Variants in ADAMTS18 observed in about 807,000 individuals in gnomAD.
ADAMTS18 encodes the protein ADAM metallopeptidase with thrombospondin type 1 motif 18.
ADAMTS18 carries 157 observed loss-of-function variants against 165.9 expected under a neutral mutation model. The ratio of observed to expected loss-of-function variants is 0.95; its 90% CI spans 0.83 to 1.08. ADAMTS18 has a LOEUF of 1.08. Among genes scored for constraint, ADAMTS18 ranks in the 50% least tolerant of loss-of-function variants. The pLI is 0.00. For synonymous variants in ADAMTS18, 782 were observed against 578.2 expected, an observed-to-expected ratio of 1.35 and a Z score of -5.06; for missense variants, 2,040 against 1,534.0, an observed-to-expected ratio of 1.33 and a Z score of -5.51.
rs138729871 is a variant in ADAMTS18, at chr16:77,406,319, T to C, written c.495+24976A>G. On this transcript the variant is annotated intron_variant, in intron 3 of 22. Coordinates refer to ENST00000282849, the MANE Select transcript of ADAMTS18 (RefSeq NM_199355.4). ...GTATAAATTATTAGAGAATTACAAA[T>C]AAAAGGTGTTATCATCAATCTGATA... is the stretch of plus-strand genomic sequence containing the variant. Among the ~76,000 whole-genome samples, 1,104 of 152,136 alleles carry C rather than the reference T, an allele frequency of 7.3e-3. 16 individuals are homozygous for C. Among genetic ancestry groups the C allele is most frequent in the African/African-American group, 0.025 (1,058 of 41,532 alleles).
At chr16:77,315,945 C>T (rs2055879399) in intron 16 of ADAMTS18, among the ~76,000 whole-genome samples, 1 of 152,162 alleles carries the variant, frequency 6.6e-6, no homozygotes, top group Non-Finnish European at 1.5e-5. Flanking sequence ...TTTTCCCCAT[C>T]CCTAAACCTG....
chr16:77,297,434 T>A lies in ADAMTS18; in HGVS notation c.2675-19A>T. 6.2e-7 allele frequency: 1 copy of A among 1,606,628 alleles called. No individual in the cohort carries two copies. The highest frequency in any genetic ancestry group is 1.1e-5 in the South Asian group (1 of 90,884). ...ATGTAACCTGGTAAGACATCAGAAG[T>A]GACAAAGTGAAAATTACAGATTATT... On this transcript the variant is annotated intron_variant, in intron 17 of 22. Coordinates refer to ENST00000282849, the MANE Select transcript of ADAMTS18 (RefSeq NM_199355.4).
chr16:77,333,247 A>C (rs1228601135), intron 12 of ADAMTS18, among the ~76,000 whole-genome samples: 2 of 152,106 alleles, frequency 1.3e-5, no homozygotes, highest in Non-Finnish European at 2.9e-5. Flanking sequence ...GATTGTTACT[A>C]ACCGGAGGGA....
chr16:77,375,617 G>A (rs1337843736), intron 3 of ADAMTS18, among the ~76,000 whole-genome samples: 1 of 152,204 alleles, frequency 6.6e-6, no homozygotes, highest in Non-Finnish European at 1.5e-5. Flanking sequence ...AGAACAGGAA[G>A]AAAGCAGAGA....
intron 3 of ADAMTS18, among the ~76,000 whole-genome samples, chr16:77,413,807 G>GGAA (rs559226746): frequency 6.4e-5 from 8 of 124,092 alleles, no homozygotes; most frequent in South Asian, 2.7e-4. Context: ...GTTTCCATCT[G>GGAA]AAAAAAAAAA....
intron 3 of ADAMTS18, among the ~76,000 whole-genome samples, chr16:77,388,879 G>C (rs542319660): frequency 5.6e-4 from 86 of 152,266 alleles, no homozygotes; most frequent in African/African-American, 1.9e-3. Context: ...AGTGTTTGTC[G>C]ATTTAATGAC....
At chr16:77,324,064 G>A (rs1459274414) in intron 13 of ADAMTS18, among the ~76,000 whole-genome samples, 4 of 152,144 alleles carry the variant, frequency 2.6e-5, no homozygotes, top group Non-Finnish European at 5.9e-5. Context: ...ATTTCTTTAA[G>A]GGCGATAACA....
At chr16:77,357,282 C>T (rs1010586407) in intron 8 of ADAMTS18, among the ~76,000 whole-genome samples, 7 of 152,072 alleles carry the variant, frequency 4.6e-5, no homozygotes, top group African/African-American at 1.7e-4. Flanking sequence ...AGCATTCCTT[C>T]CACTTTGTCA....
chr16:77,301,327 G>A (rs1232018558), intron 16 of ADAMTS18, among the ~76,000 whole-genome samples: 1 of 150,880 alleles, frequency 6.6e-6, no homozygotes, highest in African/African-American at 2.4e-5. Flanking sequence ...TCACACAAGT[G>A]ACTAGGGACT....
intron 16 of ADAMTS18, among the ~76,000 whole-genome samples, chr16:77,305,511 C>T (rs768196040): frequency 2.4e-4 from 37 of 152,186 alleles, no homozygotes; most frequent in Non-Finnish European, 4.4e-4. Context: ...CCAAAGGGCG[C>T]TTCTAAGCAC....
intron 12 of ADAMTS18, among the ~76,000 whole-genome samples, chr16:77,335,261 T>C (rs1342983192): frequency 6.8e-6 from 1 of 148,138 alleles, no homozygotes; most frequent in Non-Finnish European, 1.5e-5. Flanking sequence ...TCTTCTCCCA[T>C]GTGAGAGCTA....
intron 3 of ADAMTS18, among the ~76,000 whole-genome samples, chr16:77,383,329 C>G (rs2057059232): frequency 6.6e-6 from 1 of 152,126 alleles, no homozygotes; most frequent in Admixed American, 6.6e-5. Flanking sequence ...CAGCCCCGTC[C>G]AATCCAAATG....
intron 10 of ADAMTS18, among the ~76,000 whole-genome samples, chr16:77,347,377 C>T (rs945955527): frequency 6.6e-5 from 10 of 152,236 alleles, no homozygotes; most frequent in Non-Finnish European, 8.8e-5. Flanking sequence ...TGAAACAACT[C>T]GGTCAAACCA....
intron 19 of ADAMTS18, among the ~76,000 whole-genome samples, chr16:77,294,422 G>A (rs947828512): frequency 2.0e-5 from 3 of 152,254 alleles, no homozygotes; most frequent in Admixed American, 2.0e-4. Context: ...GGAATTCTGA[G>A]CTGTGAACGA....
intron 3 of ADAMTS18, among the ~76,000 whole-genome samples, chr16:77,396,964 G>C (rs1429214535): frequency 1.3e-5 from 2 of 151,874 alleles, no homozygotes; most frequent in East Asian, 3.9e-4. Flanking sequence ...CCGCCACCAC[G>C]CCTGGCTAAT....
intron 21 of ADAMTS18, 45 bp from the exon 22 acceptor site, chr16:77,289,456 G>C: frequency 6.2e-7 from 1 of 1,604,088 alleles, no homozygotes. Context: ...CTCTACTGAG[G>C]TCAGTGACAT....
chr16:77,364,792 C>A (rs55817541), intron 4 of ADAMTS18, among the ~76,000 whole-genome samples: 38,903 of 147,586 alleles, frequency 0.26, 5,681 homozygotes, highest in East Asian at 0.57. Context: ...CAAAGCAAAG[C>A]AAAGGAAAGA....
intron 9 of ADAMTS18, among the ~76,000 whole-genome samples, chr16:77,354,996 T>C (rs1000736886): frequency 2.6e-5 from 4 of 152,192 alleles, no homozygotes; most frequent in Admixed American, 6.5e-5. Flanking sequence ...TGGGCATATG[T>C]GGTTAGATAT....
chr16:77,338,347 G>A (rs8064094), intron 11 of ADAMTS18, among the ~76,000 whole-genome samples: 3 of 151,910 alleles, frequency 2.0e-5, no homozygotes, highest in Non-Finnish European at 2.9e-5. Context: ...GTAATTCTTG[G>A]GCCTCAGCTT....
Sources: allele counts gnomAD v4.1 joint callset (sites outside exome capture counted in the v4.1 genomes callset), GRCh38; gene constraint gnomAD v4.1.1; transcripts MANE v1.5; gene names NCBI Gene and HGNC (gene_info 2026-07-23, HGNC 2026-07-21).